Variants in DTNB observed in about 807,000 individuals in gnomAD.
DTNB encodes the protein dystrobrevin beta.
A neutral mutation model predicts 90.7 loss-of-function variants in DTNB; 63 were observed. The ratio of observed to expected loss-of-function variants is 0.69; its 90% CI spans 0.57 to 0.86. The LOEUF is 0.86. Among genes scored for constraint, DTNB ranks in the 40% least tolerant of loss-of-function variants. The pLI is 0.00. For missense variants in DTNB, 744 were observed against 807.1 expected, an observed-to-expected ratio of 0.92 and a Z score of 0.95; for synonymous variants, 277 against 286.7, an observed-to-expected ratio of 0.97 and a Z score of 0.34.
At chr2:25,451,933 G>C (rs2059353245) in intron 11 of DTNB, among the ~76,000 whole-genome samples, 1 of 152,196 alleles carries the variant, frequency 6.6e-6, no homozygotes, top group South Asian at 2.1e-4. Context: ...CTGAGGCAGG[G>C]ATTTCTAACC....
intron 10 of DTNB, among the ~76,000 whole-genome samples, chr2:25,460,465 A>G (rs1381951171): frequency 1.3e-5 from 2 of 152,150 alleles, no homozygotes; most frequent in Non-Finnish European, 2.9e-5. Context: ...ACTACCAGTG[A>G]GTGAAGACAG....
At chr2:25,615,423 C>T (rs1020985194) in intron 4 of DTNB, among the ~76,000 whole-genome samples, 1 of 152,282 alleles carries the variant, frequency 6.6e-6, no homozygotes, top group Admixed American at 6.5e-5. Flanking sequence ...TCCCAACTCT[C>T]TAATCAATCA....
intron 9 of DTNB, among the ~76,000 whole-genome samples, chr2:25,519,676 C>T (rs2075801914): frequency 6.6e-6 from 1 of 152,144 alleles, no homozygotes; most frequent in African/African-American, 2.4e-5. Context: ...CACGTCGGCA[C>T]TCAAAAAGTT....
chr2:25,643,262 C>G (rs1260601899), intron 2 of DTNB, among the ~76,000 whole-genome samples: 2 of 152,164 alleles, frequency 1.3e-5, no homozygotes, highest in Non-Finnish European at 2.9e-5. Flanking sequence ...TCCTTCACCT[C>G]CTCAGACCAA....
intron 19 of DTNB, 43 bp downstream of exon 19, chr2:25,383,793 G>T: frequency 6.2e-7 from 1 of 1,613,932 alleles, no homozygotes; most frequent in Non-Finnish European, 8.5e-7. Context: ...CCATGAGCTC[G>T]GGCTCCCCAT....
chr2:25,639,420 C>T (rs858653), intron 2 of DTNB: 5,415 of 185,970 alleles, frequency 0.029, 127 homozygotes, highest in African/African-American at 0.07. Flanking sequence ...AGACCCAAGC[C>T]TAGAGTCAGA....
intron 1 of DTNB, among the ~76,000 whole-genome samples, chr2:25,660,791 G>A (rs535576604): frequency 3.5e-4 from 53 of 152,216 alleles, no homozygotes; most frequent in African/African-American, 1.2e-3. Flanking sequence ...ATCGTGGACA[G>A]TGTTGCTACA....
At chr2:25,583,701 T>C (rs1177042367) in intron 6 of DTNB, among the ~76,000 whole-genome samples, 2 of 152,134 alleles carry the variant, frequency 1.3e-5, no homozygotes, top group Non-Finnish European at 2.9e-5. Flanking sequence ...TTTGTATTTT[T>C]AGTAAGATGG....
At chr2:25,545,186 T>C (rs1558971506) in intron 8 of DTNB, among the ~76,000 whole-genome samples, 3 of 152,224 alleles carry the variant, frequency 2.0e-5, no homozygotes, top group African/African-American at 7.2e-5. Flanking sequence ...AACTTTAATA[T>C]TTTTGATTTC....
chr2:25,601,311 CTCTT>C (rs1382776541), intron 5 of DTNB, among the ~76,000 whole-genome samples: 1 of 152,272 alleles, frequency 6.6e-6, no homozygotes, highest in East Asian at 1.9e-4. Context: ...CCAAGTAATT[CTCTT>C]TCTATTTATA....
chr2:25,401,025 A>G (rs1375092356), intron 16 of DTNB, among the ~76,000 whole-genome samples: 1 of 152,214 alleles, frequency 6.6e-6, no homozygotes, highest in African/African-American at 2.4e-5. Context: ...TGACCCCAGC[A>G]AACTAGCTTG....
intron 10 of DTNB, among the ~76,000 whole-genome samples, chr2:25,461,683 G>A (rs1185719991): frequency 7.2e-5 from 11 of 152,142 alleles, no homozygotes; most frequent in Non-Finnish European, 1.5e-5. Context: ...CACCTACTAG[G>A]TATCCAGTGA....
At chr2:25,565,200 C>T (rs1048694780) in intron 8 of DTNB, among the ~76,000 whole-genome samples, 3 of 152,076 alleles carry the variant, frequency 2.0e-5, no homozygotes, top group Admixed American at 2.0e-4. Context: ...AGGGGAAAAG[C>T]TTTCAGTCTT....
chr2:25,420,262 CTTTTTTTTTTTT>C (rs56815083), intron 15 of DTNB, among the ~76,000 whole-genome samples: 4 of 63,884 alleles, frequency 6.3e-5, no homozygotes, highest in Admixed American at 1.9e-4. Flanking sequence ...CAGGCACAGT[CTTTTTTTTTTTT>C]TTTTTTTTTT....
rs187413369 is a variant in DTNB at position 25,661,695 on chromosome 2, C to A, written c.-1-9034G>T. On this transcript the variant is annotated intron_variant, in intron 1 of 20. Coordinates refer to ENST00000406818, the MANE Select transcript of DTNB (RefSeq NM_021907.5). Reference sequence around the variant, plus strand: ...TTTTTTTAGTATCTGTTTAATTCTGCAACACAAAATTTACAAAAATATAAT... The same window carrying A: ...TTTTTTTAGTATCTGTTTAATTCTGAAACACAAAATTTACAAAAATATAAT... 7.2e-4 allele frequency among the ~76,000 whole-genome samples: 110 copies of A among 152,054 alleles called. 1 individual carries two copies. The highest frequency in any genetic ancestry group is 2.6e-3 in the African/African-American group (109 of 41,462).
At chr2:25,556,607 T>C (rs1249002827) in intron 8 of DTNB, among the ~76,000 whole-genome samples, 1 of 152,086 alleles carries the variant, frequency 6.6e-6, no homozygotes, top group African/African-American at 2.4e-5. Context: ...ATGAAATATA[T>C]AGACAAATAA....
rs76770376 is a variant in DTNB at position 25,522,186 on chromosome 2, C to T, written c.1001+9287G>A. 2.6e-3 allele frequency among the ~76,000 whole-genome samples: 401 copies of T among 152,296 alleles called. 3 individuals carry two copies. The highest frequency in any genetic ancestry group is 8.8e-3 in the African/African-American group (367 of 41,576). ...AAGAGAAGTTGCTAGAGTGCTGATA[C>T]GTGAATTGGCTTTGTTTTGAATACA... On this transcript the variant is annotated intron_variant, in intron 9 of 20. Coordinates refer to ENST00000406818, the MANE Select transcript of DTNB (RefSeq NM_021907.5).
chr2:25,609,227 G>A (rs936000804), intron 4 of DTNB, among the ~76,000 whole-genome samples: 2 of 152,218 alleles, frequency 1.3e-5, no homozygotes, highest in African/African-American at 4.8e-5. Flanking sequence ...GATGGATACA[G>A]CTTCTAACCT....
chr2:25,402,406 C>T (rs986424545), intron 16 of DTNB, among the ~76,000 whole-genome samples: 3 of 152,142 alleles, frequency 2.0e-5, no homozygotes, highest in Non-Finnish European at 4.4e-5. Flanking sequence ...GCAGAGGCGC[C>T]CACCTGCAAG....
Sources: gnomAD v4.1 joint callset for allele counts (sites outside exome capture counted in the v4.1 genomes callset) on GRCh38, gnomAD v4.1.1 for gene constraint, MANE v1.5 for transcripts, NCBI Gene and HGNC (gene_info 2026-07-23, HGNC 2026-07-21) for gene names.